KLHDC4: variants seen among roughly 807,000 people sequenced by gnomAD.
KLHDC4 encodes the protein kelch domain-containing protein 4.
Under a neutral mutation model 62.4 loss-of-function variants are expected in KLHDC4, and 90 were observed. The ratio of observed to expected loss-of-function variants is 1.44; its 90% CI spans 1.22 to 1.72. The LOEUF (loss-of-function observed/expected upper bound fraction) is 1.72. KLHDC4 is among the 40% of genes most tolerant of loss of function. The pLI, the probability that KLHDC4 is intolerant of heterozygous loss-of-function variation, is 0.00. For missense variants in KLHDC4, 1,025 were observed against 699.7 expected (o/e 1.47, Z -5.25); for synonymous variants, 386 against 284.4 (o/e 1.36, Z -3.59).
intron 8 of KLHDC4, among the ~76,000 whole-genome samples, chr16:87,712,007 T>C (rs1206958250): frequency 6.9e-6 from 1 of 144,992 alleles, no homozygotes; most frequent in Admixed American, 6.7e-5. Context: ...CAGCCGCCCT[T>C]GGGCCTGCAC....
intron 2 of KLHDC4, among the ~76,000 whole-genome samples, chr16:87,760,524 G>A (rs1004611605): frequency 9.6e-5 from 14 of 145,404 alleles, no homozygotes; most frequent in South Asian, 9.3e-4. Context: ...GGAGAATGGC[G>A]TGAACCCGGG....
intron 5 of KLHDC4, among the ~76,000 whole-genome samples, chr16:87,742,231 G>A (rs2143015673): frequency 6.6e-6 from 1 of 152,250 alleles, no homozygotes; most frequent in African/African-American, 2.4e-5. Context: ...CCCAGCCCAT[G>A]AAATCAACAG....
intron 7 of KLHDC4, among the ~76,000 whole-genome samples, chr16:87,715,784 T>C (rs1273517251): frequency 6.6e-6 from 1 of 152,228 alleles, no homozygotes; most frequent in Non-Finnish European, 1.5e-5. Flanking sequence ...TGAGGTCGTG[T>C]CTGACAGTTT....
chr16:87,753,783 AAG>A (rs965593966), intron 4 of KLHDC4, among the ~76,000 whole-genome samples: 2 of 150,164 alleles, frequency 1.3e-5, no homozygotes, highest in African/African-American at 4.9e-5. Flanking sequence ...CCTGGGCAAC[AAG>A]AGAGAGACTC....
chr16:87,749,781 G>A (rs973166063), intron 4 of KLHDC4, among the ~76,000 whole-genome samples: 8 of 152,092 alleles, frequency 5.3e-5, no homozygotes, highest in Non-Finnish European at 7.4e-5. Flanking sequence ...CGTCTACGCT[G>A]TCCAGGCTGG....
chr16:87,714,145 A>AGGC (rs2036450451), intron 8 of KLHDC4, among the ~76,000 whole-genome samples: 2 of 152,156 alleles, frequency 1.3e-5, no homozygotes, highest in Non-Finnish European at 2.9e-5. Context: ...CTTGTACTCA[A>AGGC]GGCCCAGGAT....
chr16:87,759,796 C>T (rs2045584918), intron 2 of KLHDC4, among the ~76,000 whole-genome samples: 1 of 152,138 alleles, frequency 6.6e-6, no homozygotes, highest in Non-Finnish European at 1.5e-5. Flanking sequence ...TCTTTTCTCA[C>T]TGAATACCTA....
At chr16:87,753,340 G>A (rs957299566) in intron 4 of KLHDC4, among the ~76,000 whole-genome samples, 3 of 152,240 alleles carry the variant, frequency 2.0e-5, no homozygotes, top group Admixed American at 2.0e-4. Context: ...CCAACCAGAC[G>A]AGGTGAAAAG....
rs144860558 is a variant in KLHDC4, at chr16:87,722,840, A to G, written c.759+3925T>C. On this transcript the variant is annotated intron_variant, in intron 7 of 11. Transcript: ENST00000270583. ...CAGGTCTGGCAGGAGAGTGCAGTGC[A>G]TGGCAGTGGGCAGGGGTCAGGCACT... Among the ~76,000 whole-genome samples the G allele has an allele frequency of 1.3e-3, 194 of 152,348 alleles. 1 individual carries two copies. The highest frequency in any genetic ancestry group is 4.5e-3 in the African/African-American group (188 of 41,586).
intron 8 of KLHDC4, 139 bp downstream of exon 8, chr16:87,714,359 G>T: frequency 1.0e-5 from 3 of 286,954 alleles, no homozygotes; most frequent in Non-Finnish European, 1.6e-5. Context: ...ACCCCGAAAT[G>T]AGCCATCTCG....
At chr16:87,747,917 G>A (rs1004023224) in intron 5 of KLHDC4, among the ~76,000 whole-genome samples, 1 of 152,180 alleles carries the variant, frequency 6.6e-6, no homozygotes, top group Non-Finnish European at 1.5e-5. Flanking sequence ...CAGAAGCAAG[G>A]GCACTTCCGC....
chr16:87,742,010 C>T (rs1367593207), intron 5 of KLHDC4, among the ~76,000 whole-genome samples: 1 of 152,228 alleles, frequency 6.6e-6, no homozygotes, highest in African/African-American at 2.4e-5. Context: ...CTGCACGAGG[C>T]CTGACACAGC....
chr16:87,754,722 G>C (rs770286438), intron 4 of KLHDC4, among the ~76,000 whole-genome samples: 1 of 152,220 alleles, frequency 6.6e-6, no homozygotes, highest in African/African-American at 2.4e-5. Flanking sequence ...TGACAGGAGA[G>C]CGACAGCTGA....
At chr16:87,716,413 T>C (rs2037000234) in intron 7 of KLHDC4, among the ~76,000 whole-genome samples, 1 of 152,206 alleles carries the variant, frequency 6.6e-6, no homozygotes, top group African/African-American at 2.4e-5. Context: ...TACCCATCTT[T>C]GTTGCTCGGG....
At chr16:87,746,377 AAGAGAGAAAGAGAC>A (rs970219981) in intron 5 of KLHDC4, among the ~76,000 whole-genome samples, 2 of 151,484 alleles carry the variant, frequency 1.3e-5, no homozygotes, top group Admixed American at 1.3e-4. Context: ...GAGAGCGAGA[AAGAGAGAAAGAGAC>A]AGAGAGAGAA....
At chr16:87,713,211 T>A (rs1239497792) in intron 8 of KLHDC4, among the ~76,000 whole-genome samples, 1 of 151,442 alleles carries the variant, frequency 6.6e-6, no homozygotes, top group Non-Finnish European at 1.5e-5. Flanking sequence ...ATTTTTTTTG[T>A]TTTTTTGAGA....
In KLHDC4 at chr16:87,723,628, T is replaced by C. The variant is rs577092252; in HGVS notation, c.759+3137A>G. Among the ~76,000 whole-genome samples the C allele has an allele frequency of 2.6e-5, 4 of 152,356 alleles. No homozygotes were observed. In the South Asian group the frequency reaches 8.3e-4, roughly 32 times the overall value. On this transcript the variant is annotated intron_variant, in intron 7 of 11. Transcript: ENST00000270583. ...CCAGAAAATAGGGTGATTTTCTCTGTGCAGAACAAAAGATGACCAAGAAAA... is the reference window on the plus strand; with the variant it reads ...CCAGAAAATAGGGTGATTTTCTCTGCGCAGAACAAAAGATGACCAAGAAAA...
intron 7 of KLHDC4, among the ~76,000 whole-genome samples, chr16:87,723,066 G>A (rs540105362): frequency 1.1e-4 from 16 of 152,334 alleles, no homozygotes; most frequent in Admixed American, 1.0e-3. Context: ...GGGTGAGGGT[G>A]TAATGGCGCC....
At chr16:87,762,064 G>GT (rs768321420) in intron 1 of KLHDC4, 24 bp from the exon 2 acceptor site, 39 of 1,610,576 alleles carry the variant, frequency 2.4e-5, no homozygotes, top group Non-Finnish European at 6.8e-6. Context: ...GCAGGCACAC[G>GT]TGAGACTTAT....
Sources: allele counts gnomAD v4.1 joint callset (sites outside exome capture counted in the v4.1 genomes callset), GRCh38; gene constraint gnomAD v4.1.1; transcripts MANE v1.5; gene names NCBI Gene and HGNC (gene_info 2026-07-23, HGNC 2026-07-21).